LGI4: variants seen among roughly 807,000 people sequenced by gnomAD.
LGI4 encodes the protein leucine rich repeat LGI family member 4.
In LGI4, 36 loss-of-function variants were observed where a neutral mutation model predicts 48.3. The ratio of observed to expected loss-of-function variants is 0.75; its 90% CI spans 0.57 to 0.98. LGI4 has a LOEUF of 0.98. Ranked by LOEUF, LGI4 falls within the 50% of genes least tolerant of loss-of-function variation. The pLI is 0.00. For missense variants in LGI4, 701 were observed against 732.1 expected (o/e 0.96, Z 0.49); for synonymous variants, 355 against 331.6 (o/e 1.07, Z -0.77).
chr19:35,125,767 C>CT, intron 8 of LGI4: 1 of 664,406 alleles, frequency 1.5e-6, no homozygotes, highest in Non-Finnish European at 2.8e-6. Context: ...CCACCTCTGG[C>CT]TGAACTCCAT....
intron 6 of LGI4, among the ~76,000 whole-genome samples, chr19:35,127,872 C>T (rs944489842): frequency 6.6e-6 from 1 of 152,224 alleles, no homozygotes; most frequent in African/African-American, 2.4e-5. Context: ...CCATCCTTCC[C>T]ACCTTCCAGG....
At chr19:35,134,179 T>G (rs544191151) in intron 1 of LGI4, 75 bp from the exon 2 acceptor site, 1 of 1,365,764 alleles carries the variant, frequency 7.3e-7, no homozygotes, top group South Asian at 1.2e-5. Context: ...CCTTCTGCCA[T>G]CCGGGAGACC....
intron 8 of LGI4, chr19:35,125,884 A>G: frequency 1.8e-6 from 1 of 548,362 alleles, no homozygotes; most frequent in South Asian, 1.7e-5. Context: ...CACCTGAGTC[A>G]GATCAGGGCC....
chr19:35,125,757 C>T (rs557272705), intron 8 of LGI4: 1 of 680,622 alleles, frequency 1.5e-6, no homozygotes, highest in Admixed American at 2.0e-5. Flanking sequence ...ATTTCTCCCA[C>T]CACCTCTGGC....
rs202050899 is a variant in LGI4 at position 35,126,678 on chromosome 19, G to T, written c.891C>A (p.Pro297=). 1 of 1,535,824 alleles carries T rather than the reference G, an allele frequency of 6.5e-7. No homozygotes were observed. Among genetic ancestry groups the T allele is most frequent in the East Asian group, 2.4e-5 (1 of 41,110 alleles). Residue 297 remains proline (P), a synonymous_variant, in exon 8 of 9, where the codon CCC becomes CCA. Coordinates refer to ENST00000310123, the MANE Select transcript of LGI4 (RefSeq NM_139284.3). ...TTGGGGCCAGGCGCAGGCCGGGACT[G>T]GGCCGGGCCCACAGCTGTGAGCCCC... ...LWGGSQLWAR[P]SPGLRLAPTQ...
chr19:35,133,371 G>A (rs116656626), intron 3 of LGI4: 8 of 1,187,350 alleles, frequency 6.7e-6, no homozygotes, highest in Admixed American at 8.8e-5. Flanking sequence ...TCTGACTTCT[G>A]TACACCCTTC....
Position 35,126,596 on chromosome 19 carries a change from G to C in LGI4, c.973C>G (p.Leu325Val). The C allele has an allele frequency of 6.5e-7, 1 of 1,542,070 alleles. No individual in the cohort carries two copies. The highest frequency in any genetic ancestry group is 1.2e-5 in the South Asian group (1 of 84,414). The change falls in exon 8 of 9, where the codon CTG (leucine) becomes GTG (valine). Residue 325 changes from leucine (L) to valine (V), a missense_variant. This residue lies in a region of LGI4 where 462 missense variants were observed against 436.4 expected (regional missense o/e 1.06). Transcript: ENST00000310123. ...ACCACGAAGCAGGGTTGCCCTTCCA[G>C]CCACAGGAGCTCGGCGTCATTGGGC... ...LRPNDAELLW[L>V]EGQPCFVVAD...
Position 35,134,549 on chromosome 19 carries a change from C to T in LGI4, c.132G>A (p.Pro44=), listed in dbSNP as rs769791410. The T allele has an allele frequency of 1.7e-5, 27 of 1,585,778 alleles. No individual in the cohort carries two copies. Among genetic ancestry groups the T allele is most frequent in the African/African-American group, 1.1e-4 (8 of 74,714 alleles). The change falls in exon 1 of 9, where the codon CCG becomes CCA. Residue 44 remains proline, a synonymous_variant. Transcript: ENST00000310123. ...SKDSALCEGS[P]DLPVSFSPTL... ...TCGGAGAGAAGCTGACGGGCAGGTC[C>T]GGGGAGCCCTCACACAGGGCGCTGT...
In LGI4 at chr19:35,126,575, C is replaced by G. The variant is rs547659055; in HGVS notation, c.994G>C (p.Val332Leu). The G allele has an allele frequency of 1.3e-5, 20 of 1,539,834 alleles. No homozygotes were observed. The East Asian group carries it at 3.6e-4, about 28-fold the overall frequency. Residue 332 changes from valine to leucine, a missense_variant, in exon 8 of 9, where the codon GTG becomes CTG. Physicochemically the swap from Val to Leu is conservative, Grantham distance 32 (BLOSUM62 1). This residue lies in a region of LGI4 where 462 missense variants were observed against 436.4 expected (regional missense o/e 1.06). Coordinates refer to ENST00000310123, the MANE Select transcript of LGI4 (RefSeq NM_139284.3). ...CCCGCCTTGGAGGCATCGGCCACCACGAAGCAGGGTTGCCCTTCCAGCCAC... is the reference window on the plus strand; with the variant it reads ...CCCGCCTTGGAGGCATCGGCCACCAGGAAGCAGGGTTGCCCTTCCAGCCAC... ...LLWLEGQPCF[V>L]VADASKAGST...
chr19:35,132,560 G>A (rs2065183201), intron 3 of LGI4, among the ~76,000 whole-genome samples: 1 of 151,926 alleles, frequency 6.6e-6, no homozygotes, highest in South Asian at 2.1e-4. Context: ...TCAACCCCAA[G>A]ACCAATAACT....
chr19:35,134,425 C>T, intron 1 of LGI4, 86 bp downstream of exon 1: 1 of 1,384,074 alleles, frequency 7.2e-7, no homozygotes, highest in Non-Finnish European at 9.9e-7. Flanking sequence ...CCCCTGTTTC[C>T]CTGGAGACCC....
In LGI4 at chr19:35,126,682, C is replaced by G. The variant is rs1469165337; in HGVS notation, c.887G>C (p.Arg296Pro). ...RLWGGSQLWA[R>P]PSPGLRLAPT... The stretch of plus-strand genomic sequence containing the variant: ...GGCCAGGCGCAGGCCGGGACTGGGC[C>G]GGGCCCACAGCTGTGAGCCCCCCCA... Residue 296 changes from arginine to proline, a missense_variant, in exon 8 of 9, where the codon CGG (arginine) becomes CCG (proline). Physicochemically the swap from Arg to Pro is moderately radical, Grantham distance 103. This residue lies in a region of LGI4 where 462 missense variants were observed against 436.4 expected (regional missense o/e 1.06). Transcript: ENST00000310123. 2 of 1,535,844 alleles carry G rather than the reference C, an allele frequency of 1.3e-6. No individual in the cohort carries two copies. Among genetic ancestry groups the G allele is most frequent in the South Asian group, 1.2e-5 (1 of 83,856 alleles).
In LGI4 at chr19:35,125,092, G is replaced by T. The variant is rs2065121417; in HGVS notation, c.*101C>A. ...CGTGTGGCTGATGAACGTGGCCCACGGTCAGCAGCTCACAGGCGGGCCATC... is the reference window on the plus strand; with the variant it reads ...CGTGTGGCTGATGAACGTGGCCCACTGTCAGCAGCTCACAGGCGGGCCATC... On this transcript the variant is annotated 3_prime_UTR_variant, in exon 9 of 9. Coordinates refer to ENST00000310123, the MANE Select transcript of LGI4 (RefSeq NM_139284.3). The T allele has an allele frequency of 1.9e-6, 2 of 1,030,186 alleles. No individual in the cohort carries two copies. The highest frequency in any genetic ancestry group is 3.9e-5 in the South Asian group (2 of 51,810). 63.8% of individuals were successfully genotyped at this position (1,030,186 alleles called of 1,614,324 possible). A position where few individuals can be genotyped will look rare whatever the true frequency, so the allele number is the denominator to read the frequency against.
chr19:35,130,996 A>T, intron 6 of LGI4: 1 of 554,726 alleles, frequency 1.8e-6, no homozygotes, highest in Non-Finnish European at 3.2e-6. Flanking sequence ...AAGGCAACAA[A>T]ATCTATTTAT....
chr19:35,132,044 T>C lies in LGI4; in HGVS notation c.315-2A>G. On this transcript the variant is annotated splice_acceptor_variant, in intron 3 of 8. Transcript: ENST00000310123. LOFTEE classifies it high-confidence loss of function. ...CCAATCTCATTGTCCTCGATGAAGC[T>C]GTGGAGGGAAGCTGGGGTCAGGGGG... The C allele has an allele frequency of 6.4e-7, 1 of 1,572,232 alleles. No homozygotes were observed. Among genetic ancestry groups the C allele is most frequent in the Non-Finnish European group, 8.6e-7 (1 of 1,158,110 alleles).
At chr19:35,132,685 A>G (rs4806092) in intron 3 of LGI4, among the ~76,000 whole-genome samples, 87,448 of 151,928 alleles carry the variant, frequency 0.58, 25,578 homozygotes, top group Admixed American at 0.65. Context: ...ATCATTACCA[A>G]ACTCCACACC....
At chr19:35,125,533 C>T (rs1306224215) in intron 8 of LGI4, 26 bp from the exon 9 acceptor site, 2 of 1,505,504 alleles carry the variant, frequency 1.3e-6, no homozygotes, top group Non-Finnish European at 8.9e-7. Flanking sequence ...CAGTGAGGGC[C>T]TGGGGTCCCG....
In LGI4 at chr19:35,131,489, G is replaced by A. The variant is rs1434767460; in HGVS notation, c.525C>T (p.Thr175=). Residue 175 remains threonine, a synonymous_variant, in exon 6 of 9, where the codon ACC becomes ACT. Coordinates refer to ENST00000310123, the MANE Select transcript of LGI4 (RefSeq NM_139284.3). Reference sequence around the variant, plus strand: ...CGCCGGTCCCCACGCTGGCATTCACGGTGGGCATCCACTGCAGGAGCCAGA... The same window carrying A: ...CGCCGGTCCCCACGCTGGCATTCACAGTGGGCATCCACTGCAGGAGCCAGA... The part of the protein sequence containing the change: ...RVLWLLQWMP[T]VNASVGTGAC... 8 of 1,551,144 alleles carry A rather than the reference G, an allele frequency of 5.2e-6. No individual in the cohort carries two copies. The highest frequency in any genetic ancestry group is 4.1e-5 in the African/African-American group (3 of 73,052).
In LGI4 at chr19:35,132,981, A is replaced by T. The variant is rs533857052; in HGVS notation, c.314+712T>A. On this transcript the variant is annotated intron_variant, in intron 3 of 8. Transcript: ENST00000310123. ...CAACATCCTACCCACAGCCATCACC[A>T]ACATCAACACCAATACTGTAATGAC... 5.9e-4 allele frequency among the ~76,000 whole-genome samples: 90 copies of T among 152,018 alleles called. 1 individual carries two copies. Among genetic ancestry groups the T allele is most frequent in the South Asian group, 1.2e-3 (6 of 4,806 alleles).
Sources: gnomAD v4.1 joint callset for allele counts (sites outside exome capture counted in the v4.1 genomes callset) on GRCh38, gnomAD v4.1.1 for gene constraint, gnomAD v4.1.1 regional missense constraint, MANE v1.5 for transcripts, NCBI Gene and HGNC (gene_info 2026-07-23, HGNC 2026-07-21) for gene names.